The following RUNX2 variants were observed in gnomAD, a reference collection of about 807,000 sequenced individuals.
RUNX2 encodes the protein RUNX family transcription factor 2.
Under a neutral mutation model 51.7 loss-of-function variants are expected in RUNX2, and 10 were observed. The observed-to-expected ratio is 0.19, with a 90% CI of 0.12 to 0.33. The LOEUF (loss-of-function observed/expected upper bound fraction) is 0.33, where lower values mean the gene tolerates loss of function less well. Among genes scored for constraint, RUNX2 ranks in the 10% least tolerant of loss-of-function variants. RUNX2 has a pLI of 1.00. For missense variants in RUNX2, 562 were observed against 691.3 expected (o/e 0.81, Z 2.10); for synonymous variants, 276 against 273.6 (o/e 1.01, Z -0.09).
chr6:45,467,031 C>T (rs769670109), intron 5 of RUNX2, among the ~76,000 whole-genome samples: 1 of 152,190 alleles, frequency 6.6e-6, no homozygotes, highest in Non-Finnish European at 1.5e-5. Flanking sequence ...ATTGCCTACT[C>T]ACGCTGAGCC....
At chr6:45,336,503 A>G (rs1043942659) in intron 2 of RUNX2, among the ~76,000 whole-genome samples, 2 of 151,528 alleles carry the variant, frequency 1.3e-5, no homozygotes, top group African/African-American at 4.8e-5. Flanking sequence ...CACAAGACAC[A>G]CTAAAATCAG....
chr6:45,514,376 G>C (rs1042613876), intron 7 of RUNX2, among the ~76,000 whole-genome samples: 7 of 152,184 alleles, frequency 4.6e-5, no homozygotes, highest in African/African-American at 1.7e-4. Flanking sequence ...TCACAGGTAG[G>C]GAGGCAGGAG....
intron 5 of RUNX2, among the ~76,000 whole-genome samples, chr6:45,445,814 G>A (rs1241106784): frequency 6.8e-6 from 1 of 146,484 alleles, no homozygotes; most frequent in Non-Finnish European, 1.5e-5. Flanking sequence ...CTTTCTTCAA[G>A]AAGGATGAGG....
intron 2 of RUNX2, among the ~76,000 whole-genome samples, chr6:45,418,649 T>C (rs910824317): frequency 6.6e-6 from 1 of 152,238 alleles, no homozygotes; most frequent in African/African-American, 2.4e-5. Flanking sequence ...AAAAATGTTT[T>C]CTTTCTTTAA....
At chr6:45,434,115 TA>T (rs1188932591) in intron 4 of RUNX2, among the ~76,000 whole-genome samples, 1 of 152,040 alleles carries the variant, frequency 6.6e-6, no homozygotes, top group African/African-American at 2.4e-5. Flanking sequence ...ATCACTGCAT[TA>T]ACATTGTATG....
chr6:45,508,774 G>T (rs1801056189), intron 6 of RUNX2, among the ~76,000 whole-genome samples: 1 of 152,154 alleles, frequency 6.6e-6, no homozygotes, highest in Non-Finnish European at 1.5e-5. Flanking sequence ...TGGCAGTCAG[G>T]ATGTAAAACC....
intron 5 of RUNX2, among the ~76,000 whole-genome samples, chr6:45,490,068 C>T (rs1319707723): frequency 6.6e-6 from 1 of 152,126 alleles, no homozygotes; most frequent in Non-Finnish European, 1.5e-5. Flanking sequence ...TCAACTTGGA[C>T]GAGGGCTATA....
At chr6:45,405,413 A>G (rs1465538633) in intron 2 of RUNX2, among the ~76,000 whole-genome samples, 1 of 152,196 alleles carries the variant, frequency 6.6e-6, no homozygotes, top group Admixed American at 6.5e-5. Context: ...CACTACAGCT[A>G]GCTCATATCA....
intron 7 of RUNX2, among the ~76,000 whole-genome samples, chr6:45,528,507 G>C (rs751034398): frequency 6.6e-6 from 1 of 152,102 alleles, no homozygotes; most frequent in Non-Finnish European, 1.5e-5. Context: ...TGTAATCCCA[G>C]CTACTGGGGA....
intron 2 of RUNX2, among the ~76,000 whole-genome samples, chr6:45,382,700 T>A (rs1277272835): frequency 1.3e-5 from 2 of 152,178 alleles, no homozygotes; most frequent in Admixed American, 6.5e-5. Flanking sequence ...AGGCCTTGTG[T>A]GCCTGACACT....
rs796197863 is a variant in RUNX2, at chr6:45,456,346, A to G, written c.685+18295A>G. ...CCCTGAGTCTTAATCGCAAAATGGT[A>G]AATCCTGTTCGATTAAAAATGAACA... On this transcript the variant is annotated intron_variant, in intron 5 of 8. Transcript: ENST00000647337. 2.6e-5 allele frequency among the ~76,000 whole-genome samples: 4 copies of G among 152,344 alleles called. No individual in the cohort carries two copies. The South Asian group carries it at 6.2e-4, about 24-fold the overall frequency.
intron 6 of RUNX2, among the ~76,000 whole-genome samples, chr6:45,509,348 A>G (rs1422023416): frequency 1.3e-5 from 2 of 152,238 alleles, no homozygotes; most frequent in Non-Finnish European, 2.9e-5. Context: ...TATTTATTAT[A>G]TACTTAATAT....
rs559453107 is a variant in RUNX2 at position 45,407,190 on chromosome 6, GC to G, written c.59-15401del. ...GCAATCTCTGCTCACTGCAACCTCC[GC>G]CTCCCGGGCTCAAGCGATCCTCCCA... is the stretch of plus-strand genomic sequence containing the variant. On this transcript the variant is annotated intron_variant, in intron 2 of 8. Coordinates refer to ENST00000647337, the MANE Select transcript of RUNX2 (RefSeq NM_001024630.4). Among the ~76,000 whole-genome samples, 4 of 151,344 alleles carry G rather than the reference GC, an allele frequency of 2.6e-5. No homozygotes were observed. In the South Asian group the frequency reaches 8.4e-4, roughly 32 times the overall value.
Position 45,540,796 on chromosome 6 carries a change from G to A in RUNX2, c.1022-4421G>A, listed in dbSNP as rs576848748. Among the ~76,000 whole-genome samples, 12 of 140,534 alleles carry A rather than the reference G, an allele frequency of 8.5e-5. No homozygotes were observed. In the South Asian group the frequency reaches 2.8e-3, roughly 32 times the overall value. The allele number at this position is 140,534 out of a possible 152,430, so 92.2% of individuals were successfully genotyped here. The stretch of plus-strand genomic sequence containing the variant: ...TCTAGTCTCCCCAGGGCTCCCTAGT[G>A]TGGATCTACACCCAGATACTGGCTG... On this transcript the variant is annotated intron_variant, in intron 7 of 8. Coordinates refer to ENST00000647337, the MANE Select transcript of RUNX2 (RefSeq NM_001024630.4).
chr6:45,403,017 T>C (rs1797748232), intron 2 of RUNX2, among the ~76,000 whole-genome samples: 1 of 152,116 alleles, frequency 6.6e-6, no homozygotes, highest in South Asian at 2.1e-4. Flanking sequence ...CTATGAGGTT[T>C]AAAAAAGTAA....
At chr6:45,442,695 A>G (rs1798875642) in intron 5 of RUNX2, among the ~76,000 whole-genome samples, 1 of 152,144 alleles carries the variant, frequency 6.6e-6, no homozygotes, top group Non-Finnish European at 1.5e-5. Flanking sequence ...CATCCAGTTT[A>G]TTATTTCTTA....
rs1802444160 is a variant in RUNX2, at chr6:45,547,638, A to G, written c.*333A>G. The G allele has an allele frequency of 3.0e-6, 1 of 338,832 alleles. No individual in the cohort carries two copies. The highest frequency in any genetic ancestry group is 5.6e-6 in the Non-Finnish European group (1 of 177,196). The allele number at this position is 338,832 out of a possible 1,614,324, so 21.0% of individuals were successfully genotyped here. A position where few individuals can be genotyped will look rare whatever the true frequency, so the allele number is the denominator to read the frequency against. On this transcript the variant is annotated 3_prime_UTR_variant, in exon 9 of 9. Coordinates refer to ENST00000647337, the MANE Select transcript of RUNX2 (RefSeq NM_001024630.4). ...TCATCAATAACCTGTTCATATGCCA[A>G]TTCAGAGAGGTGGACTCCAGGTTCA...
intron 5 of RUNX2, among the ~76,000 whole-genome samples, chr6:45,451,595 A>G (rs1000291138): frequency 6.6e-5 from 10 of 152,228 alleles, no homozygotes; most frequent in African/African-American, 1.9e-4. Context: ...CTGAAAAATG[A>G]CTTAATAACA....
intron 2 of RUNX2, among the ~76,000 whole-genome samples, chr6:45,376,866 C>T (rs1479424878): frequency 6.6e-6 from 1 of 152,166 alleles, no homozygotes; most frequent in African/African-American, 2.4e-5. Context: ...TACATATATA[C>T]ACATACATAT....
Sources: allele counts gnomAD v4.1 joint callset (sites outside exome capture counted in the v4.1 genomes callset), GRCh38; gene constraint gnomAD v4.1.1; transcripts MANE v1.5; gene names NCBI Gene and HGNC (gene_info 2026-07-23, HGNC 2026-07-21).